The following PDE4B variants were observed in gnomAD, a reference collection of about 807,000 sequenced individuals.
The protein encoded by PDE4B is phosphodiesterase 4B.
In PDE4B, 20 loss-of-function variants were observed where a neutral mutation model predicts 82.2. The observed-to-expected ratio is 0.24, with a 90% CI of 0.17 to 0.35. PDE4B has a LOEUF of 0.35. PDE4B is among the 10% of genes least tolerant of loss of function. The pLI is 1.00. For synonymous variants in PDE4B, 320 were observed against 318.9 expected (o/e 1.00, Z -0.04); for missense variants, 655 against 907.2 (o/e 0.72, Z 3.57).
chr1:65,820,936 T>C (rs760686853), intron 1 of PDE4B, among the ~76,000 whole-genome samples: 31 of 152,232 alleles, frequency 2.0e-4, no homozygotes, highest in Non-Finnish European at 3.2e-4. Context: ...CTCTGTAAGG[T>C]AAGTCAGGCT....
chr1:66,354,235 G>C, intron 8 of PDE4B: 1 of 180,262 alleles, frequency 5.5e-6, no homozygotes, highest in Non-Finnish European at 1.1e-5. Flanking sequence ...TCATCACTTT[G>C]ATCAATTAGA....
At chr1:66,221,785 C>G (rs547158077) in intron 3 of PDE4B, among the ~76,000 whole-genome samples, 4 of 152,266 alleles carry the variant, frequency 2.6e-5, no homozygotes, top group African/African-American at 9.6e-5. Context: ...CCTCTGTCAT[C>G]ACTCCTTGTA....
chr1:66,069,468 A>ACATATGC (rs2100922362), intron 3 of PDE4B, among the ~76,000 whole-genome samples: 1 of 152,160 alleles, frequency 6.6e-6, no homozygotes, highest in Non-Finnish European at 1.5e-5. Context: ...CTTCCATAGC[A>ACATATGC]TATGATTATA....
intron 3 of PDE4B, among the ~76,000 whole-genome samples, chr1:66,120,198 C>T (rs989150331): frequency 1.3e-5 from 2 of 152,208 alleles, no homozygotes; most frequent in Non-Finnish European, 2.9e-5. Flanking sequence ...AACTAGATAA[C>T]ATGATCTCCA....
At chr1:66,128,153 T>C (rs1479664271) in intron 3 of PDE4B, among the ~76,000 whole-genome samples, 1 of 152,132 alleles carries the variant, frequency 6.6e-6, no homozygotes, top group African/African-American at 2.4e-5. Flanking sequence ...TCAAATTCTG[T>C]GCAATCAAGG....
chr1:66,025,272 A>C (rs780505417), intron 3 of PDE4B, among the ~76,000 whole-genome samples: 1 of 152,184 alleles, frequency 6.6e-6, no homozygotes, highest in African/African-American at 2.4e-5. Flanking sequence ...TGATAGAAGT[A>C]ATTTATGAAA....
At chr1:65,866,628 A>G (rs928630059) in intron 1 of PDE4B, among the ~76,000 whole-genome samples, 18 of 152,330 alleles carry the variant, frequency 1.2e-4, no homozygotes, top group African/African-American at 3.6e-4. Context: ...AGCTACCAAC[A>G]GCAATAATAC....
At chr1:66,020,774 A>G (rs1208015109) in intron 3 of PDE4B, among the ~76,000 whole-genome samples, 1 of 152,212 alleles carries the variant, frequency 6.6e-6, no homozygotes, top group Admixed American at 6.5e-5. Flanking sequence ...CACAATAAAC[A>G]TAAGTGTGCA....
At chr1:66,338,973 C>G (rs923226776) in intron 8 of PDE4B, among the ~76,000 whole-genome samples, 5 of 149,720 alleles carry the variant, frequency 3.3e-5, no homozygotes, top group Admixed American at 3.3e-4. Flanking sequence ...GAGCCGAGAT[C>G]CCGCCACTGC....
intron 3 of PDE4B, among the ~76,000 whole-genome samples, chr1:66,207,059 T>C (rs1418866983): frequency 6.6e-6 from 1 of 152,200 alleles, no homozygotes; most frequent in Non-Finnish European, 1.5e-5. Context: ...ACATTTCCCC[T>C]GTAAATAGTA....
At chr1:66,091,667 A>G (rs1025559920) in intron 3 of PDE4B, among the ~76,000 whole-genome samples, 1 of 152,034 alleles carries the variant, frequency 6.6e-6, no homozygotes, top group Non-Finnish European at 1.5e-5. Context: ...ATTTATTAAA[A>G]TAGCAGAGTT....
chr1:65,918,910 T>TTGG, intron 3 of PDE4B, 75 bp downstream of exon 3: 1 of 921,604 alleles, frequency 1.1e-6, no homozygotes, highest in East Asian at 2.4e-5. Flanking sequence ...TTCATAGTAT[T>TTGG]AAAATGTGAG....
At chr1:66,269,690 C>T (rs533764771) in intron 7 of PDE4B, among the ~76,000 whole-genome samples, 3 of 152,204 alleles carry the variant, frequency 2.0e-5, no homozygotes, top group Admixed American at 6.5e-5. Context: ...CGCCTTTTTT[C>T]CATTCCATCC....
intron 3 of PDE4B, among the ~76,000 whole-genome samples, chr1:66,102,175 C>A (rs1444911671): frequency 6.6e-6 from 1 of 152,054 alleles, no homozygotes; most frequent in East Asian, 1.9e-4. Flanking sequence ...GGCCTCTATT[C>A]CGTTCCATTG....
At chr1:65,854,723 T>A (rs1646372693) in intron 1 of PDE4B, among the ~76,000 whole-genome samples, 1 of 152,096 alleles carries the variant, frequency 6.6e-6, no homozygotes, top group Non-Finnish European at 1.5e-5. Context: ...GCTGAAATTC[T>A]TGCAAGTAGG....
intron 3 of PDE4B, among the ~76,000 whole-genome samples, chr1:66,068,105 T>TA (rs5774792): frequency 0.82 from 120,960 of 147,618 alleles, 49,563 homozygotes; most frequent in East Asian, 0.86. Flanking sequence ...ATAATAAAAT[T>TA]AAAAAAAAAA....
intron 7 of PDE4B, among the ~76,000 whole-genome samples, chr1:66,318,872 C>T (rs1659198309): frequency 1.3e-5 from 2 of 152,296 alleles, no homozygotes; most frequent in Admixed American, 1.3e-4. Context: ...TTTAAGTACT[C>T]AGTAGCCACA....
intron 1 of PDE4B, among the ~76,000 whole-genome samples, chr1:65,887,056 G>A (rs897080272): frequency 3.6e-4 from 54 of 151,534 alleles, no homozygotes; most frequent in African/African-American, 1.1e-3. Context: ...TTTAATAGTC[G>A]TTCAACTGGG....
chr1:66,121,764 C>T (rs1170341334), intron 3 of PDE4B, among the ~76,000 whole-genome samples: 1 of 152,174 alleles, frequency 6.6e-6, no homozygotes, highest in Admixed American at 6.5e-5. Context: ...ACTTCGTATC[C>T]TCCAGCTTTC....
Sources: allele counts gnomAD v4.1 joint callset (sites outside exome capture counted in the v4.1 genomes callset), GRCh38; gene constraint gnomAD v4.1.1; transcripts MANE v1.5; gene names NCBI Gene and HGNC (gene_info 2026-07-23, HGNC 2026-07-21).